The following UFD1 variants were observed in gnomAD, a reference collection of about 807,000 sequenced individuals.
UFD1 encodes the protein ubiquitin recognition factor in ER associated degradation 1.
In UFD1, 13 loss-of-function variants were observed where a neutral mutation model predicts 45.9. The observed-to-expected ratio is 0.28, with a 90% CI of 0.18 to 0.45. UFD1 has a LOEUF of 0.45. Ranked by LOEUF, UFD1 falls within the 20% of genes least tolerant of loss-of-function variation. The probability of loss-of-function intolerance (pLI) is 1.00; values close to 1 mark genes in which losing one functional copy is unlikely to be tolerated. For synonymous variants in UFD1, 128 were observed against 139.2 expected (o/e 0.92, Z 0.56); for missense variants, 218 against 389.2 (o/e 0.56, Z 3.70).
intron 4 of UFD1, chr22:19,470,872 C>T: frequency 2.2e-6 from 1 of 454,534 alleles, no homozygotes; most frequent in South Asian, 1.6e-5. Flanking sequence ...CTGGTGGCAG[C>T]CAAGCAAGCA....
chr22:19,453,296 A>G (rs1196592393), intron 11 of UFD1: 1 of 985,520 alleles, frequency 1.0e-6, no homozygotes, highest in East Asian at 1.1e-4. Context: ...AAAGCCTTGT[A>G]GTTGCCTCCT....
At chr22:19,451,374 AT>A in intron 11 of UFD1, 1 of 985,108 alleles carries the variant, frequency 1.0e-6, no homozygotes, top group South Asian at 4.7e-5. Context: ...CACAACTCTG[AT>A]TTTTTTTAGA....
At chr22:19,459,930 T>G (rs2089753651) in intron 6 of UFD1, among the ~76,000 whole-genome samples, 1 of 151,652 alleles carries the variant, frequency 6.6e-6, no homozygotes, top group Admixed American at 6.6e-5. Context: ...GTAGAGATGG[T>G]GTTTCACTAT....
In UFD1 at chr22:19,454,819, T is replaced by C; in HGVS notation, c.779A>G (p.Asn260Ser). The change falls in exon 11 of 12, where the codon AAT becomes AGT. Residue 260 changes from asparagine to serine, a missense_variant. This residue lies in a region of UFD1 where 69 missense variants were observed against 81.7 expected (regional missense o/e 0.84). Transcript: ENST00000263202. The part of the protein sequence containing the change: ...KPGDIKRGIP[N>S]YEFKLGKITF... ...TATCTTACCAAGTTTAAATTCATAA[T>C]TGGGAATTCCTCTGTAAGAAGAGAC... 1 of 1,613,522 alleles carries C rather than the reference T, an allele frequency of 6.2e-7. No individual in the cohort carries two copies. The highest frequency in any genetic ancestry group is 8.5e-7 in the Non-Finnish European group (1 of 1,179,826).
intron 7 of UFD1, 190 bp from the exon 8 acceptor site, chr22:19,457,108 G>T (rs553871900): frequency 2.4e-4 from 146 of 603,242 alleles, no homozygotes; most frequent in Non-Finnish European, 3.2e-4. Flanking sequence ...TTGCTGCCAG[G>T]ATATCAACAC....
At chr22:19,458,893 T>C (rs1403051059) in intron 6 of UFD1, among the ~76,000 whole-genome samples, 2 of 152,208 alleles carry the variant, frequency 1.3e-5, no homozygotes, top group South Asian at 4.1e-4. Context: ...AATGTATTAA[T>C]ATTCCTAACC....
chr22:19,455,962 T>G (rs2089719837), intron 9 of UFD1, among the ~76,000 whole-genome samples, 194 bp from the exon 10 acceptor site: 1 of 152,216 alleles, frequency 6.6e-6, no homozygotes. Flanking sequence ...GGCCATGAGC[T>G]GAAGACAGCC....
At chr22:19,456,471 C>A in intron 9 of UFD1, 116 bp downstream of exon 9, 1 of 1,396,256 alleles carries the variant, frequency 7.2e-7, no homozygotes, top group South Asian at 1.2e-5. Flanking sequence ...CACAGGTACC[C>A]AGAGGCCTAA....
At chr22:19,470,088 C>A (rs1380008775) in intron 4 of UFD1, 3 of 500,702 alleles carry the variant, frequency 6.0e-6, no homozygotes, top group Non-Finnish European at 1.2e-5. Context: ...CGGATGAGCA[C>A]AATGTGGCCT....
intron 3 of UFD1, among the ~76,000 whole-genome samples, chr22:19,473,150 G>A (rs1208785838): frequency 6.6e-6 from 1 of 152,194 alleles, no homozygotes; most frequent in Non-Finnish European, 1.5e-5. Context: ...GCACAGCCAT[G>A]GAGCTGACAT....
intron 7 of UFD1, among the ~76,000 whole-genome samples, chr22:19,457,672 C>A (rs2269721): frequency 2.6e-5 from 4 of 152,176 alleles, no homozygotes; most frequent in East Asian, 1.9e-4. Flanking sequence ...CTAGCCGGGC[C>A]TGGTGGCACA....
intron 1 of UFD1, among the ~76,000 whole-genome samples, chr22:19,477,529 GT>G (rs2089892351): frequency 6.6e-6 from 1 of 152,180 alleles, no homozygotes; most frequent in Non-Finnish European, 1.5e-5. Context: ...GACAGGGGCT[GT>G]GAGGAGCAGA....
intron 3 of UFD1, 37 bp from the exon 4 acceptor site, chr22:19,471,845 A>G (rs779993741): frequency 1.9e-6 from 3 of 1,598,838 alleles, no homozygotes; most frequent in African/African-American, 2.7e-5. Flanking sequence ...CACAGCTCCT[A>G]TGAAGGGACA....
chr22:19,459,330 C>T (rs982002686), intron 6 of UFD1, among the ~76,000 whole-genome samples: 2 of 152,132 alleles, frequency 1.3e-5, no homozygotes, highest in Non-Finnish European at 2.9e-5. Flanking sequence ...TGTCCAGAAG[C>T]AGGGCCGTGC....
Position 19,456,185 on chromosome 22 carries a change from T to C in UFD1, c.678+402A>G, listed in dbSNP as rs141543223. Among the ~76,000 whole-genome samples, 1,171 of 152,256 alleles carry C rather than the reference T, an allele frequency of 7.7e-3. 14 individuals carry two copies. Among genetic ancestry groups the C allele is most frequent in the African/African-American group, 0.024 (1,012 of 41,556 alleles). On this transcript the variant is annotated intron_variant, in intron 9 of 11. Coordinates refer to ENST00000263202, the MANE Select transcript of UFD1 (RefSeq NM_005659.7). ...ATGAACCACCTCCACCTGTTTCCCA[T>C]GGAGCCTTGCCAGTAGTTATGCTAA...
At chr22:19,475,913 T>C (rs2089877942) in intron 1 of UFD1, among the ~76,000 whole-genome samples, 1 of 152,150 alleles carries the variant, frequency 6.6e-6, no homozygotes, top group South Asian at 2.1e-4. Context: ...TTTCCTATTA[T>C]CATTAATCTA....
intron 6 of UFD1, among the ~76,000 whole-genome samples, chr22:19,459,675 C>A (rs2089750570): frequency 6.6e-6 from 1 of 151,668 alleles, no homozygotes; most frequent in Non-Finnish European, 1.5e-5. Flanking sequence ...TTAAAAGTGG[C>A]CCTATCTACT....
At chr22:19,451,035 G>A (rs2089677708) in intron 11 of UFD1, 2 of 1,076,582 alleles carry the variant, frequency 1.9e-6, no homozygotes, top group Non-Finnish European at 2.3e-6. Context: ...GAGACGGGAG[G>A]ATGGTTTGAG....
chr22:19,479,176 G>C lies in UFD1; in HGVS notation c.-91C>G. Reference sequence around the variant, plus strand: ...TCTCCCAGCCGCCGCTGCCGCTGCCGCCGCGCCAAGCCGGTACGCCCCAGA... The same window carrying C: ...TCTCCCAGCCGCCGCTGCCGCTGCCCCCGCGCCAAGCCGGTACGCCCCAGA... On this transcript the variant is annotated 5_prime_UTR_variant, in exon 1 of 12. Transcript: ENST00000263202. 1 of 1,572,296 alleles carries C rather than the reference G, an allele frequency of 6.4e-7. No individual in the cohort carries two copies. The highest frequency in any genetic ancestry group is 1.7e-4 in the Middle Eastern group (1 of 6,000).
Sources: gnomAD v4.1 joint callset for allele counts (sites outside exome capture counted in the v4.1 genomes callset) on GRCh38, gnomAD v4.1.1 for gene constraint, gnomAD v4.1.1 regional missense constraint, MANE v1.5 for transcripts, NCBI Gene and HGNC (gene_info 2026-07-23, HGNC 2026-07-21) for gene names.